Variants in DGKI observed in about 807,000 individuals in gnomAD.
DGKI encodes diacylglycerol kinase iota.
A neutral mutation model predicts 147.5 loss-of-function variants in DGKI; 55 were observed. The ratio of observed to expected loss-of-function variants is 0.37; its 90% CI spans 0.30 to 0.47. DGKI has a LOEUF of 0.47. Among genes scored for constraint, DGKI ranks in the 20% least tolerant of loss-of-function variants. The pLI is 1.00. For synonymous variants in DGKI, 469 were observed against 477.1 expected, an observed-to-expected ratio of 0.98 and a Z score of 0.22; for missense variants, 1,007 against 1,323.8, an observed-to-expected ratio of 0.76 and a Z score of 3.71.
intron 6 of DGKI, among the ~76,000 whole-genome samples, chr7:137,643,201 G>T (rs1387987640): frequency 7.0e-6 from 1 of 143,398 alleles, no homozygotes; most frequent in African/African-American, 2.5e-5. Flanking sequence ...TGAGGCAGGA[G>T]AATGGCATGA....
At chr7:137,537,617 ATGAT>A (rs1304557325) in intron 20 of DGKI, among the ~76,000 whole-genome samples, 1 of 152,158 alleles carries the variant, frequency 6.6e-6, no homozygotes, top group African/African-American at 2.4e-5. Context: ...TCCAGGAGGT[ATGAT>A]TCAAAAATTA....
intron 1 of DGKI, among the ~76,000 whole-genome samples, chr7:137,822,191 G>C (rs1277356591): frequency 6.6e-6 from 1 of 152,176 alleles, no homozygotes; most frequent in Non-Finnish European, 1.5e-5. Flanking sequence ...TGGATCACCT[G>C]AGGTCAGGAG....
At chr7:137,526,324 C>G (rs762764817) in intron 20 of DGKI, among the ~76,000 whole-genome samples, 1 of 150,696 alleles carries the variant, frequency 6.6e-6, no homozygotes, top group Admixed American at 6.6e-5. Flanking sequence ...TGGAACATCT[C>G]AAACTCCCTA....
intron 20 of DGKI, among the ~76,000 whole-genome samples, chr7:137,526,725 CT>C (rs1282637413): frequency 1.3e-5 from 2 of 152,132 alleles, no homozygotes; most frequent in East Asian, 1.9e-4. Context: ...CTCTGCTCTC[CT>C]GTAGATGTTG....
chr7:137,740,118 G>T (rs1390979225), intron 1 of DGKI, among the ~76,000 whole-genome samples: 1 of 152,150 alleles, frequency 6.6e-6, no homozygotes, highest in Non-Finnish European at 1.5e-5. Flanking sequence ...CTTACATCAG[G>T]ATTTGGAAAT....
At chr7:137,431,510 A>G (rs1012521405) in intron 28 of DGKI, among the ~76,000 whole-genome samples, 4 of 152,186 alleles carry the variant, frequency 2.6e-5, no homozygotes, top group Non-Finnish European at 4.4e-5. Context: ...GTGTTTTTCA[A>G]AAAGTGGGTC....
chr7:137,689,504 A>G (rs1034900206), intron 2 of DGKI, among the ~76,000 whole-genome samples: 4 of 152,064 alleles, frequency 2.6e-5, no homozygotes, highest in Admixed American at 6.5e-5. Context: ...ATCCTCTGGG[A>G]AAAAAAGCAC....
chr7:137,572,724 A>G (rs771673798), intron 18 of DGKI, 41 bp downstream of exon 18: 1 of 1,364,068 alleles, frequency 7.3e-7, no homozygotes, highest in Non-Finnish European at 1.0e-6. Context: ...CTCAAGTCAG[A>G]GTTCACGTCA....
intron 2 of DGKI, among the ~76,000 whole-genome samples, chr7:137,682,938 A>G (rs568322142): frequency 6.6e-6 from 1 of 152,292 alleles, no homozygotes; most frequent in South Asian, 2.1e-4. Flanking sequence ...GTCTTGGTCT[A>G]TGACATAGGT....
intron 12 of DGKI, 38 bp from the exon 13 acceptor site, chr7:137,587,248 G>A: frequency 1.3e-6 from 2 of 1,495,378 alleles, no homozygotes; most frequent in Non-Finnish European, 1.8e-6. Context: ...ATATAAGAAA[G>A]ATAAATAAGT....
chr7:137,585,554 G>A (rs1220625364), intron 13 of DGKI, among the ~76,000 whole-genome samples: 1 of 152,184 alleles, frequency 6.6e-6, no homozygotes, highest in African/African-American at 2.4e-5. Context: ...GCTGGTTTGA[G>A]CTGAGGAATA....
chr7:137,444,140 GATAATT>G, intron 27 of DGKI, 38 bp from the exon 28 acceptor site: 2 of 1,179,348 alleles, frequency 1.7e-6, no homozygotes, highest in Non-Finnish European at 2.4e-6. Context: ...TATTTTATAT[GATAATT>G]ATAATGATAA....
intron 1 of DGKI, among the ~76,000 whole-genome samples, chr7:137,758,202 C>A (rs1795746102): frequency 6.6e-6 from 1 of 152,166 alleles, no homozygotes; most frequent in Non-Finnish European, 1.5e-5. Context: ...CTGAAACACC[C>A]ACACTTATGG....
intron 1 of DGKI, among the ~76,000 whole-genome samples, chr7:137,726,435 A>C (rs1485812052): frequency 6.6e-6 from 1 of 152,130 alleles, no homozygotes; most frequent in Non-Finnish European, 1.5e-5. Flanking sequence ...TGAGAAAATC[A>C]GGTAAGATAA....
At chr7:137,557,555 A>G (rs541157810) in intron 19 of DGKI, among the ~76,000 whole-genome samples, 1 of 152,370 alleles carries the variant, frequency 6.6e-6, no homozygotes, top group South Asian at 2.1e-4. Context: ...CGTCATACAC[A>G]AAGGAACAAG....
chr7:137,598,825 T>C (rs1819887123), intron 11 of DGKI, among the ~76,000 whole-genome samples: 1 of 152,036 alleles, frequency 6.6e-6, no homozygotes, highest in Admixed American at 6.5e-5. Flanking sequence ...GGATAGCAGA[T>C]TTGCCTTAGC....
At chr7:137,734,738 T>C (rs772028431) in intron 1 of DGKI, among the ~76,000 whole-genome samples, 15 of 152,058 alleles carry the variant, frequency 9.9e-5, no homozygotes, top group Non-Finnish European at 1.8e-4. Flanking sequence ...TAATAAATAT[T>C]ATTTCTAGCC....
chr7:137,579,184 T>G (rs923608785), intron 15 of DGKI, among the ~76,000 whole-genome samples: 3 of 152,142 alleles, frequency 2.0e-5, no homozygotes, highest in Non-Finnish European at 4.4e-5. Flanking sequence ...GCCTTTGTGT[T>G]ACCCTTTAGG....
intron 20 of DGKI, among the ~76,000 whole-genome samples, chr7:137,545,735 C>T (rs1817841775): frequency 6.6e-6 from 1 of 152,272 alleles, no homozygotes; most frequent in African/African-American, 2.4e-5. Flanking sequence ...ACATGAAAAA[C>T]TTCACAGCTC....
Sources: gnomAD v4.1 joint callset for allele counts (sites outside exome capture counted in the v4.1 genomes callset) on GRCh38, gnomAD v4.1.1 for gene constraint, MANE v1.5 for transcripts, NCBI Gene and HGNC (gene_info 2026-07-23, HGNC 2026-07-21) for gene names.